Variants in LRP6 observed in about 807,000 individuals in gnomAD.
LRP6 encodes the protein low-density lipoprotein receptor-related protein 6.
Under a neutral mutation model 184.1 loss-of-function variants are expected in LRP6, and 43 were observed. The observed-to-expected ratio is 0.23, with a 90% confidence interval of 0.18 to 0.30. The LOEUF is 0.30. LRP6 is among the 10% of genes least tolerant of loss of function. The pLI is 1.00. For missense variants in LRP6, 1,571 were observed against 2,005.3 expected, an observed-to-expected ratio of 0.78 and a Z score of 4.14; for synonymous variants, 719 against 684.9, an observed-to-expected ratio of 1.05 and a Z score of -0.78.
At chr12:12,179,710 C>A in intron 7 of LRP6, 100 bp downstream of exon 7, 2 of 1,308,106 alleles carry the variant, frequency 1.5e-6, no homozygotes, top group Non-Finnish European at 2.2e-6. Context: ...GCACCCCAGA[C>A]AACTGTTAAG....
chr12:12,180,114 AAC>A, intron 6 of LRP6, 133 bp from the exon 7 acceptor site: 3 of 708,780 alleles, frequency 4.2e-6, no homozygotes, highest in African/African-American at 1.8e-5. Flanking sequence ...AAAAAAAAAA[AAC>A]ATATGAAGAG....
rs1863340419 is a variant in LRP6, at chr12:12,181,354, C to A, written c.1062G>T (p.Leu354=). 1 of 1,611,800 alleles carries A rather than the reference C, an allele frequency of 6.2e-7. No homozygotes were observed. The highest frequency in any genetic ancestry group is 1.7e-5 in the Admixed American group (1 of 59,974). The change falls in exon 6 of 23, where the codon CTG becomes CTT. Residue 354 remains leucine, a synonymous_variant. Transcript: ENST00000261349. ...TGGCATGACGGATGTCTTCTAACTG[C>A]AGAACAATGTCTGTAAAATCTGGTG... is the stretch of plus-strand genomic sequence containing the variant. ...LDTPDFTDIV[L]QLEDIRHAIA...
At chr12:12,155,217 A>AACAG (rs1352039766) in intron 12 of LRP6, 1 of 662,676 alleles carries the variant, frequency 1.5e-6, no homozygotes, top group East Asian at 2.9e-5. Flanking sequence ...CAAACAAACA[A>AACAG]AAAGTCTTTC....
At chr12:12,257,779 C>CAAAA (rs1163180718) in intron 1 of LRP6, among the ~76,000 whole-genome samples, 504 of 35,252 alleles carry the variant, frequency 0.014, 43 homozygotes, top group African/African-American at 0.04. Flanking sequence ...CCTGTCTCTA[C>CAAAA]AAAAAAAAAA....
chr12:12,160,691 G>A (rs1862718074), intron 10 of LRP6, among the ~76,000 whole-genome samples: 1 of 152,068 alleles, frequency 6.6e-6, no homozygotes, highest in East Asian at 1.9e-4. Context: ...TACAGTATAG[G>A]CTTTTTATAG....
intron 2 of LRP6, chr12:12,226,582 T>C (rs1436658385): frequency 6.6e-6 from 1 of 152,236 alleles, no homozygotes; most frequent in African/African-American, 2.4e-5. Flanking sequence ...TTGAGGAATC[T>C]GAGCTTGGGA....
At chr12:12,129,800 T>C (rs926589149) in intron 19 of LRP6, among the ~76,000 whole-genome samples, 4 of 152,144 alleles carry the variant, frequency 2.6e-5, no homozygotes, top group African/African-American at 7.2e-5. Context: ...TCTGCCCACA[T>C]TGGCCTCCCA....
In LRP6 at chr12:12,237,709, G is replaced by C. The variant is rs145240518; in HGVS notation, c.449+6553C>G. ...CAAATCATGAGAAACAGCAAATAGA[G>C]CCAAACTGAGGAACGTTCTACAAAT... On this transcript the variant is annotated intron_variant, in intron 2 of 22. Transcript: ENST00000261349. 7.9e-3 allele frequency among the ~76,000 whole-genome samples: 1,197 copies of C among 152,286 alleles called. 12 individuals carry two copies. The highest frequency in any genetic ancestry group is 0.027 in the African/African-American group (1,141 of 41,556).
At chr12:12,190,758 A>C (rs1205712630) in intron 3 of LRP6, among the ~76,000 whole-genome samples, 2 of 152,216 alleles carry the variant, frequency 1.3e-5, no homozygotes, top group African/African-American at 4.8e-5. Context: ...TGCTGTCATG[A>C]GTTCTGACAT....
At chr12:12,147,770 G>A (rs1950030511) in intron 14 of LRP6, among the ~76,000 whole-genome samples, 1 of 152,022 alleles carries the variant, frequency 6.6e-6, no homozygotes, top group Admixed American at 6.6e-5. Flanking sequence ...TTATGAGTGA[G>A]AGACCAGCTT....
At chr12:12,227,279 C>T (rs182349355) in intron 2 of LRP6, among the ~76,000 whole-genome samples, 5 of 151,912 alleles carry the variant, frequency 3.3e-5, no homozygotes, top group South Asian at 2.1e-4. Context: ...AGTAGACCTG[C>T]GTTTTAAGAA....
At chr12:12,140,225 G>C (rs1337730712) in intron 15 of LRP6, among the ~76,000 whole-genome samples, 1 of 151,482 alleles carries the variant, frequency 6.6e-6, no homozygotes, top group Non-Finnish European at 1.5e-5. Flanking sequence ...CTAAAGAATA[G>C]GCTGTCTTCA....
chr12:12,260,942 C>G (rs1226962353), intron 1 of LRP6, among the ~76,000 whole-genome samples: 1 of 152,112 alleles, frequency 6.6e-6, no homozygotes, highest in African/African-American at 2.4e-5. Flanking sequence ...TTCCAGTATG[C>G]GCAAAATATT....
chr12:12,225,031 C>T lies in LRP6; in HGVS notation c.449+19231G>A, dbSNP rs186768408. Among the ~76,000 whole-genome samples the T allele has an allele frequency of 7.2e-5, 11 of 152,190 alleles. No individual in the cohort carries two copies. The East Asian group carries it at 2.1e-3, about 29-fold the overall frequency. ...ACCAGCCTGACCAACATGGTTAAAC[C>T]CCATCTCTACTAAAAATACAAAAAT... is the stretch of plus-strand genomic sequence containing the variant. On this transcript the variant is annotated intron_variant, in intron 2 of 22. Coordinates refer to ENST00000261349, the MANE Select transcript of LRP6 (RefSeq NM_002336.3).
chr12:12,135,650 T>C (rs1361701548), intron 16 of LRP6, among the ~76,000 whole-genome samples: 1 of 151,550 alleles, frequency 6.6e-6, no homozygotes, highest in African/African-American at 2.4e-5. Context: ...ACTGCCGCCA[T>C]GCCTGGCCAA....
chr12:12,163,659 C>T (rs1048413348), intron 9 of LRP6, among the ~76,000 whole-genome samples: 1 of 152,226 alleles, frequency 6.6e-6, no homozygotes, highest in Admixed American at 6.5e-5. Context: ...AAATCAACAG[C>T]CATTTTACGT....
intron 1 of LRP6, among the ~76,000 whole-genome samples, chr12:12,253,498 A>G (rs949475017): frequency 2.6e-5 from 4 of 151,988 alleles, no homozygotes; most frequent in African/African-American, 9.6e-5. Flanking sequence ...ATATGTATAC[A>G]TGTGCCATGT....
intron 18 of LRP6, 120 bp from the exon 19 acceptor site, chr12:12,131,013 C>A: frequency 3.1e-6 from 2 of 638,204 alleles, no homozygotes; most frequent in South Asian, 3.3e-5. Flanking sequence ...TTAGCTATAA[C>A]TTAAATATTA....
intron 14 of LRP6, among the ~76,000 whole-genome samples, chr12:12,147,817 C>A (rs968731186): frequency 6.6e-6 from 1 of 151,648 alleles, no homozygotes; most frequent in Non-Finnish European, 1.5e-5. Context: ...ACAAAAAATA[C>A]CCCAAAAATT....
Sources: gnomAD v4.1 joint callset for allele counts (sites outside exome capture counted in the v4.1 genomes callset) on GRCh38, gnomAD v4.1.1 for gene constraint, MANE v1.5 for transcripts, NCBI Gene and HGNC (gene_info 2026-07-23, HGNC 2026-07-21) for gene names.